CDH10: variants seen among roughly 807,000 people sequenced by gnomAD.
CDH10 encodes the protein cadherin-10.
A neutral mutation model predicts 73.1 loss-of-function variants in CDH10; 30 were observed. The ratio of observed to expected loss-of-function variants is 0.41; its 90% CI spans 0.31 to 0.56. CDH10 has a LOEUF of 0.56. Ranked by LOEUF, CDH10 falls within the 20% of genes least tolerant of loss-of-function variation. CDH10 has a pLI of 0.27. For synonymous variants in CDH10, 345 were observed against 348.2 expected (o/e 0.99, Z 0.10); for missense variants, 815 against 973.7 (o/e 0.84, Z 2.17).
chr5:24,517,186 T>G (rs756687894), intron 5 of CDH10, among the ~76,000 whole-genome samples: 4 of 152,150 alleles, frequency 2.6e-5, no homozygotes, highest in Non-Finnish European at 5.9e-5. Context: ...CACTATAACA[T>G]TTGAACTGAT....
intron 1 of CDH10, among the ~76,000 whole-genome samples, chr5:24,618,343 TG>T (rs1424820625): frequency 1.3e-5 from 2 of 152,204 alleles, no homozygotes; most frequent in Admixed American, 6.5e-5. Context: ...GAGTAAATCA[TG>T]TAAAGGTGAT....
intron 10 of CDH10, 147 bp from the exon 11 acceptor site, chr5:24,491,974 T>C: frequency 1.8e-6 from 1 of 556,574 alleles, no homozygotes; most frequent in Admixed American, 3.2e-5. Flanking sequence ...TACAATGCAA[T>C]TAATATATAG....
chr5:24,548,133 C>CT (rs895009399), intron 2 of CDH10, among the ~76,000 whole-genome samples: 53 of 149,170 alleles, frequency 3.6e-4, no homozygotes, highest in Non-Finnish European at 5.8e-4. Flanking sequence ...TTTCTTTTCT[C>CT]TTTTTTTTTT....
At chr5:24,510,969 A>G (rs907099665) in intron 6 of CDH10, among the ~76,000 whole-genome samples, 1 of 152,150 alleles carries the variant, frequency 6.6e-6, no homozygotes, top group South Asian at 2.1e-4. Context: ...GACTTTTTAT[A>G]CCCCCAACTG....
intron 1 of CDH10, among the ~76,000 whole-genome samples, chr5:24,594,655 C>G (rs957998738): frequency 2.6e-5 from 4 of 151,912 alleles, no homozygotes; most frequent in African/African-American, 9.7e-5. Context: ...CCTTAACCAG[C>G]AACTTCCTAC....
chr5:24,494,174 T>C (rs1480977118), intron 9 of CDH10, among the ~76,000 whole-genome samples: 3 of 151,924 alleles, frequency 2.0e-5, no homozygotes, highest in East Asian at 1.9e-4. Flanking sequence ...CATAGCAACA[T>C]AATTATTTGA....
intron 9 of CDH10, among the ~76,000 whole-genome samples, chr5:24,496,640 G>A (rs1274870230): frequency 6.6e-6 from 1 of 152,176 alleles, no homozygotes; most frequent in Non-Finnish European, 1.5e-5. Context: ...CTCTTAAAGA[G>A]CAGTTAATTC....
chr5:24,634,775 T>C (rs570840712), intron 1 of CDH10, among the ~76,000 whole-genome samples: 24 of 151,798 alleles, frequency 1.6e-4, no homozygotes, highest in African/African-American at 4.6e-4. Context: ...GCCCTACCAG[T>C]ATGTGAATGT....
Position 24,491,628 on chromosome 5 carries a change from G to A in CDH10, c.1824C>T (p.Gly608=), listed in dbSNP as rs1579710088. The A allele has an allele frequency of 6.2e-7, 1 of 1,613,846 alleles. No individual in the cohort carries two copies. Among genetic ancestry groups the A allele is most frequent in the South Asian group, 1.1e-5 (1 of 91,078 alleles). ...TGGCGATCAAGGCCCCAGTGCTGAG[G>A]CCGGCAGGGAGGAGCAGGGCTTCAG... ...CSAEALLLPA[G]LSTGALIAIL... Residue 608 remains glycine, a synonymous_variant, in exon 11 of 12, where the codon GGC becomes GGT. Transcript: ENST00000264463.
chr5:24,498,105 G>GT (rs1742357738), intron 9 of CDH10, among the ~76,000 whole-genome samples: 1 of 152,088 alleles, frequency 6.6e-6, no homozygotes, highest in South Asian at 2.1e-4. Context: ...GGGTTTGCTT[G>GT]TCTTTGTTTT....
chr5:24,507,056 C>G (rs1415570710), intron 7 of CDH10, among the ~76,000 whole-genome samples: 2 of 152,046 alleles, frequency 1.3e-5, no homozygotes, highest in Non-Finnish European at 2.9e-5. Flanking sequence ...ATTTTCCTTT[C>G]TAAAATAATT....
intron 2 of CDH10, among the ~76,000 whole-genome samples, chr5:24,586,987 G>T (rs1249886253): frequency 6.6e-6 from 1 of 151,432 alleles, no homozygotes; most frequent in Non-Finnish European, 1.5e-5. Context: ...TGGGACTACA[G>T]GCGCCCGCCA....
At chr5:24,640,661 A>G (rs1472004984) in intron 1 of CDH10, among the ~76,000 whole-genome samples, 1 of 151,888 alleles carries the variant, frequency 6.6e-6, no homozygotes, top group South Asian at 2.1e-4. Flanking sequence ...AGGCATTTCA[A>G]TCTCCCACAG....
intron 2 of CDH10, among the ~76,000 whole-genome samples, chr5:24,581,094 G>A (rs1745781016): frequency 6.6e-6 from 1 of 152,092 alleles, no homozygotes; most frequent in Non-Finnish European, 1.5e-5. Flanking sequence ...ATTAGGGTGT[G>A]GCCATCCTTG....
In CDH10 at chr5:24,633,218, T is replaced by C. The variant is rs1747760107; in HGVS notation, c.-124+11376A>G. 2.6e-5 allele frequency among the ~76,000 whole-genome samples: 4 copies of C among 151,908 alleles called. No individual in the cohort carries two copies. The South Asian group carries it at 8.3e-4, about 31-fold the overall frequency. On this transcript the variant is annotated intron_variant, in intron 1 of 11. Coordinates refer to ENST00000264463, the MANE Select transcript of CDH10 (RefSeq NM_006727.5). ...TTCATTTTCTAGAAAATAATTGTAT[T>C]ATTTTCTTTTTAAGTATAGGTACAT...
intron 2 of CDH10, among the ~76,000 whole-genome samples, chr5:24,541,292 T>C (rs1744145654): frequency 6.6e-6 from 1 of 152,068 alleles, no homozygotes; most frequent in South Asian, 2.1e-4. Flanking sequence ...TTTAGTTTTT[T>C]TAATTATCTC....
chr5:24,583,776 C>G (rs958611967), intron 2 of CDH10, among the ~76,000 whole-genome samples: 2 of 152,172 alleles, frequency 1.3e-5, no homozygotes, highest in Admixed American at 6.5e-5. Context: ...TCCTGAATAG[C>G]TGGGATTACA....
At chr5:24,504,620 G>A (rs1468886136) in intron 8 of CDH10, among the ~76,000 whole-genome samples, 1 of 143,284 alleles carries the variant, frequency 7.0e-6, no homozygotes, top group Non-Finnish European at 1.5e-5. Flanking sequence ...CTGCCTCCCA[G>A]GTTCACGCCA....
intron 2 of CDH10, among the ~76,000 whole-genome samples, chr5:24,558,311 T>C (rs891903442): frequency 6.6e-6 from 1 of 151,752 alleles, no homozygotes; most frequent in Admixed American, 6.6e-5. Flanking sequence ...TAGCTCATTA[T>C]TATAAACTAT....
Sources: gnomAD v4.1 joint callset for allele counts (sites outside exome capture counted in the v4.1 genomes callset) on GRCh38, gnomAD v4.1.1 for gene constraint, MANE v1.5 for transcripts, NCBI Gene and HGNC (gene_info 2026-07-23, HGNC 2026-07-21) for gene names.